Variants in CCNY observed in about 807,000 individuals in gnomAD.
CCNY encodes the protein cyclin Y.
A neutral mutation model predicts 42.8 loss-of-function variants in CCNY; 19 were observed. The observed-to-expected ratio is 0.44, with a 90% CI of 0.31 to 0.65. The LOEUF is 0.65. CCNY is among the 30% of genes least tolerant of loss of function. The pLI is 0.07. For synonymous variants in CCNY, 165 were observed against 162.7 expected (o/e 1.01, Z -0.11); for missense variants, 370 against 437.3 (o/e 0.85, Z 1.37).
intron 1 of CCNY, among the ~76,000 whole-genome samples, chr10:35,455,810 T>TTTA (rs2135320541): frequency 1.5e-5 from 2 of 133,694 alleles, no homozygotes; most frequent in Non-Finnish European, 3.1e-5. Context: ...CTTCCTTTTT[T>TTTA]TTTTTTTTTT....
At chr10:35,357,950 A>G (rs747809003) in intron 1 of CCNY, among the ~76,000 whole-genome samples, 2 of 152,060 alleles carry the variant, frequency 1.3e-5, no homozygotes, top group Non-Finnish European at 2.9e-5. Context: ...TAAGTTGTCC[A>G]AACTTTGACT....
chr10:35,366,648 C>T (rs1836812994), intron 1 of CCNY, among the ~76,000 whole-genome samples: 1 of 152,188 alleles, frequency 6.6e-6, no homozygotes, highest in Admixed American at 6.5e-5. Flanking sequence ...CATTTCCAGT[C>T]TTCGCTAGTT....
chr10:35,386,223 G>A (rs566477136), intron 1 of CCNY, among the ~76,000 whole-genome samples: 40 of 152,242 alleles, frequency 2.6e-4, no homozygotes, highest in African/African-American at 8.2e-4. Context: ...TTAAATCTTC[G>A]TATCGTGTCA....
At chr10:35,557,387 T>G (rs530743079) in intron 8 of CCNY, among the ~76,000 whole-genome samples, 2 of 152,310 alleles carry the variant, frequency 1.3e-5, no homozygotes, top group African/African-American at 4.8e-5. Flanking sequence ...AGTAGTGTTT[T>G]CTGGATGATA....
At chr10:35,302,007 A>C (rs1835542743) in intron 3 of CCNY, among the ~76,000 whole-genome samples, 1 of 151,762 alleles carries the variant, frequency 6.6e-6, no homozygotes, top group Non-Finnish European at 1.5e-5. Flanking sequence ...CTTATCGTCC[A>C]GGCTGGAGTG....
intron 1 of CCNY, among the ~76,000 whole-genome samples, chr10:35,471,032 G>A (rs1349146137): frequency 6.6e-6 from 1 of 152,158 alleles, no homozygotes; most frequent in African/African-American, 2.4e-5. Context: ...GATGTCTTCG[G>A]AGGGTAACTG....
At chr10:35,272,670 T>C (rs893031338) in intron 3 of CCNY, among the ~76,000 whole-genome samples, 14 of 152,242 alleles carry the variant, frequency 9.2e-5, no homozygotes, top group Non-Finnish European at 1.8e-4. Flanking sequence ...CAGTCTACCA[T>C]TGATGGGCAT....
chr10:35,431,113 C>T (rs1188678022), intron 1 of CCNY, among the ~76,000 whole-genome samples: 2 of 144,944 alleles, frequency 1.4e-5, no homozygotes, highest in African/African-American at 5.2e-5. Context: ...GAGACTCCAT[C>T]TCAAAAAAAA....
At chr10:35,526,658 A>G (rs1840658604) in intron 5 of CCNY, among the ~76,000 whole-genome samples, 1 of 146,332 alleles carries the variant, frequency 6.8e-6, no homozygotes, top group African/African-American at 2.5e-5. Context: ...TCATTAATGC[A>G]TCCTTTCCAA....
At chr10:35,416,916 A>G (rs559827713) in intron 1 of CCNY, among the ~76,000 whole-genome samples, 22 of 152,246 alleles carry the variant, frequency 1.4e-4, no homozygotes, top group African/African-American at 5.3e-4. Flanking sequence ...TGAGTGTAGC[A>G]GGAAAGAAAC....
At chr10:35,290,497 T>C (rs117510815) in intron 3 of CCNY, among the ~76,000 whole-genome samples, 3,339 of 152,332 alleles carry the variant, frequency 0.022, 57 homozygotes, top group Admixed American at 0.032. Context: ...ATTTTACCTG[T>C]TAATGTGCTA....
intron 3 of CCNY, among the ~76,000 whole-genome samples, chr10:35,310,422 T>C (rs1219251443): frequency 7.2e-5 from 11 of 152,260 alleles, no homozygotes; most frequent in Admixed American, 7.2e-4. Context: ...CTTTTGGATA[T>C]ATACTAGCAG....
intron 1 of CCNY, among the ~76,000 whole-genome samples, chr10:35,407,823 C>T (rs1318454025): frequency 1.3e-5 from 2 of 152,054 alleles, no homozygotes; most frequent in Non-Finnish European, 2.9e-5. Flanking sequence ...GGCGTCTCCG[C>T]ACTTGACTTG....
At chr10:35,480,347 C>T (rs1272923605) in intron 1 of CCNY, among the ~76,000 whole-genome samples, 2 of 152,134 alleles carry the variant, frequency 1.3e-5, no homozygotes, top group East Asian at 3.9e-4. Flanking sequence ...GCTTGGCTTC[C>T]CCCACAGAGA....
At chr10:35,254,784 T>C (rs1053589137) in intron 3 of CCNY, among the ~76,000 whole-genome samples, 3 of 139,508 alleles carry the variant, frequency 2.2e-5, no homozygotes, top group African/African-American at 8.2e-5. Context: ...TGAGCTGTGA[T>C]CGTGCCACTG....
chr10:35,561,742 A>G (rs1004890229), intron 8 of CCNY, among the ~76,000 whole-genome samples: 1 of 152,136 alleles, frequency 6.6e-6, no homozygotes, highest in Non-Finnish European at 1.5e-5. Flanking sequence ...CTTGACTGGG[A>G]GTCTCCCCAT....
intron 1 of CCNY, among the ~76,000 whole-genome samples, chr10:35,414,311 T>C (rs767577728): frequency 6.6e-6 from 1 of 152,232 alleles, no homozygotes; most frequent in Admixed American, 6.5e-5. Context: ...ACCTGGGTGC[T>C]GGAAGGATTC....
chr10:35,406,984 G>A (rs1837793448), intron 1 of CCNY, among the ~76,000 whole-genome samples: 1 of 152,202 alleles, frequency 6.6e-6, no homozygotes, highest in Admixed American at 6.5e-5. Context: ...GCAGCCTTCT[G>A]GCCCCTCTGG....
chr10:35,457,328 G>A (rs990921321), intron 1 of CCNY, among the ~76,000 whole-genome samples: 3 of 152,080 alleles, frequency 2.0e-5, no homozygotes, highest in Non-Finnish European at 2.9e-5. Context: ...CAGTCCCGTC[G>A]CAGCCTGGTG....
Sources: gnomAD v4.1 joint callset for allele counts (sites outside exome capture counted in the v4.1 genomes callset) on GRCh38, gnomAD v4.1.1 for gene constraint, MANE v1.5 for transcripts, NCBI Gene and HGNC (gene_info 2026-07-23, HGNC 2026-07-21) for gene names.